The following PRKCB variants were observed in gnomAD, a reference collection of about 807,000 sequenced individuals.
PRKCB encodes protein kinase C beta type.
Under a neutral mutation model 81.5 loss-of-function variants are expected in PRKCB, and 13 were observed. The observed-to-expected ratio is 0.16, with a 90% CI of 0.10 to 0.25. The LOEUF (loss-of-function observed/expected upper bound fraction) is 0.25. Among genes scored for constraint, PRKCB ranks in the 10% least tolerant of loss-of-function variants. PRKCB has a pLI of 1.00. For missense variants in PRKCB, 509 were observed against 875.7 expected, an observed-to-expected ratio of 0.58 and a Z score of 5.29; for synonymous variants, 335 against 321.4, an observed-to-expected ratio of 1.04 and a Z score of -0.45.
chr16:24,053,307 CTT>C (rs141251119), intron 5 of PRKCB, among the ~76,000 whole-genome samples: 164 of 152,370 alleles, frequency 1.1e-3, no homozygotes, highest in African/African-American at 3.8e-3. Context: ...GCTTGACAAA[CTT>C]TTTCTGTGAA....
At chr16:24,188,643 A>C (rs1967742335) in intron 15 of PRKCB, among the ~76,000 whole-genome samples, 1 of 152,174 alleles carries the variant, frequency 6.6e-6, no homozygotes, top group Admixed American at 6.5e-5. Flanking sequence ...CACTTTGAAC[A>C]AACTTGAAGC....
Position 24,185,510 on chromosome 16 carries a change from A to G in PRKCB, c.1665A>G (p.Glu555=), listed in dbSNP as rs571472508. ...DEDELFQSIM[E]HNVAYPKSMS... ...ATGAACTCTTCCAATCCATCATGGA[A>G]CACAACGTAGCCTATCCCAAGTCTA... The change falls in exon 15 of 17, where the codon GAA becomes GAG. Residue 555 remains glutamate, a synonymous_variant. Coordinates refer to ENST00000643927, the MANE Select transcript of PRKCB (RefSeq NM_002738.7). 4.3e-6 allele frequency: 7 copies of G among 1,614,036 alleles called. No individual in the cohort carries two copies. Among genetic ancestry groups the G allele is most frequent in the Admixed American group, 1.7e-5 (1 of 60,006 alleles).
At chr16:24,109,612 C>G (rs1395453815) in intron 7 of PRKCB, among the ~76,000 whole-genome samples, 2 of 130,268 alleles carry the variant, frequency 1.5e-5, no homozygotes, top group East Asian at 4.2e-4. Context: ...AGACGCTCCT[C>G]ACTTTCCAGA....
chr16:24,110,102 G>A (rs1596552237), intron 7 of PRKCB, among the ~76,000 whole-genome samples: 2 of 133,338 alleles, frequency 1.5e-5, no homozygotes, highest in Non-Finnish European at 1.5e-5. Flanking sequence ...GAGGGAGAGG[G>A]AGACCGTGGG....
intron 5 of PRKCB, among the ~76,000 whole-genome samples, chr16:24,088,714 CAA>C (rs56883594): frequency 0.35 from 39,840 of 113,030 alleles, 6,605 homozygotes; most frequent in Non-Finnish European, 0.46. Flanking sequence ...GACCCTGTGT[CAA>C]AAAAAAAAAA....
chr16:24,080,235 A>G (rs1424623854), intron 5 of PRKCB, among the ~76,000 whole-genome samples: 1 of 152,182 alleles, frequency 6.6e-6, no homozygotes, highest in Non-Finnish European at 1.5e-5. Context: ...CTGTTTATGA[A>G]TCACTCATCA....
chr16:23,987,551 G>A (rs1567335709), intron 2 of PRKCB, among the ~76,000 whole-genome samples: 1 of 152,154 alleles, frequency 6.6e-6, no homozygotes, highest in Non-Finnish European at 1.5e-5. Flanking sequence ...AGGTAGTGAA[G>A]TGAGCTTTCC....
Position 23,856,009 on chromosome 16 carries a change from A to G in PRKCB, c.205+18603A>G, listed in dbSNP as rs145139266. Reference sequence around the variant, plus strand: ...CTTCTGGGGTTCACTGCGTGCTTCTATGTCTTTCTTAGAGGTTCATTTCAA... The same window carrying G: ...CTTCTGGGGTTCACTGCGTGCTTCTGTGTCTTTCTTAGAGGTTCATTTCAA... On this transcript the variant is annotated intron_variant, in intron 2 of 16. Transcript: ENST00000643927. Among the ~76,000 whole-genome samples the G allele has an allele frequency of 3.6e-3, 555 of 152,230 alleles. 4 individuals carry two copies. Among genetic ancestry groups the G allele is most frequent in the African/African-American group, 0.013 (537 of 41,526 alleles).
chr16:24,037,591 A>G (rs1280944044), intron 5 of PRKCB, among the ~76,000 whole-genome samples: 1 of 152,104 alleles, frequency 6.6e-6, no homozygotes, highest in Non-Finnish European at 1.5e-5. Context: ...TCGTTTCTCT[A>G]TGCCCTCCAC....
intron 2 of PRKCB, among the ~76,000 whole-genome samples, chr16:23,908,490 A>T (rs534863634): frequency 6.6e-5 from 10 of 152,188 alleles, no homozygotes; most frequent in African/African-American, 9.6e-5. Context: ...GCCAGAACTC[A>T]GGAGTGCCTT....
At chr16:24,111,880 T>C (rs1966680388) in intron 7 of PRKCB, among the ~76,000 whole-genome samples, 2 of 152,250 alleles carry the variant, frequency 1.3e-5, no homozygotes, top group Non-Finnish European at 1.5e-5. Context: ...TGCCAAGTGC[T>C]GTGCTTATCA....
At chr16:23,916,047 CTTTAAT>C (rs1318887060) in intron 2 of PRKCB, among the ~76,000 whole-genome samples, 7 of 151,646 alleles carry the variant, frequency 4.6e-5, no homozygotes, top group Non-Finnish European at 7.4e-5. Flanking sequence ...AGTATCTTTT[CTTTAAT>C]TTTAATTTTA....
At chr16:23,910,848 C>T (rs1226988968) in intron 2 of PRKCB, among the ~76,000 whole-genome samples, 1 of 152,044 alleles carries the variant, frequency 6.6e-6, no homozygotes, top group Non-Finnish European at 1.5e-5. Flanking sequence ...TCCCTGCGGC[C>T]CCTGGTAACC....
At chr16:23,989,155 C>T (rs930589806) in intron 3 of PRKCB, among the ~76,000 whole-genome samples, 1 of 152,016 alleles carries the variant, frequency 6.6e-6, no homozygotes, top group Non-Finnish European at 1.5e-5. Context: ...TTGGTAGAGA[C>T]GGGGTTTCAC....
At chr16:23,898,555 G>T (rs1963416899) in intron 2 of PRKCB, among the ~76,000 whole-genome samples, 1 of 152,042 alleles carries the variant, frequency 6.6e-6, no homozygotes, top group Admixed American at 6.6e-5. Context: ...AGAAGAATGG[G>T]GTAGGTGAGC....
chr16:24,053,664 G>T (rs953228180), intron 5 of PRKCB, among the ~76,000 whole-genome samples: 2 of 152,196 alleles, frequency 1.3e-5, no homozygotes, highest in African/African-American at 4.8e-5. Context: ...TGGGGACATT[G>T]AGTAAAGACT....
chr16:23,878,447 T>C (rs900017400), intron 2 of PRKCB, among the ~76,000 whole-genome samples: 3 of 152,204 alleles, frequency 2.0e-5, no homozygotes, highest in African/African-American at 4.8e-5. Context: ...GAACACCAGA[T>C]AGCACTTCAC....
intron 2 of PRKCB, among the ~76,000 whole-genome samples, chr16:23,886,406 G>GTTTTTTTTTTTTTTTT (rs398029038): frequency 2.8e-5 from 2 of 70,222 alleles, no homozygotes; most frequent in Admixed American, 1.8e-4. Context: ...TGTGTTAGGT[G>GTTTTTTTTTTTTTTTT]TTTTTTTTTT....
intron 10 of PRKCB, among the ~76,000 whole-genome samples, chr16:24,169,040 T>C (rs748794169): frequency 6.6e-6 from 1 of 152,090 alleles, no homozygotes; most frequent in East Asian, 1.9e-4. Context: ...TATGTTTCAT[T>C]CCAGCCCCTC....
Sources: allele counts gnomAD v4.1 joint callset (sites outside exome capture counted in the v4.1 genomes callset), GRCh38; gene constraint gnomAD v4.1.1; transcripts MANE v1.5; gene names NCBI Gene and HGNC (gene_info 2026-07-23, HGNC 2026-07-21).